KCNQ1: variants seen among roughly 807,000 people sequenced by gnomAD.
The protein encoded by KCNQ1 is potassium voltage-gated channel subfamily Q member 1, also known as potassium voltage-gated channel subfamily KQT member 1.
KCNQ1 carries 49 observed loss-of-function variants against 72.4 expected under a neutral mutation model. The observed-to-expected ratio is 0.68, with a 90% CI of 0.54 to 0.86. KCNQ1 has a LOEUF of 0.86. Ranked by LOEUF, KCNQ1 falls within the 40% of genes least tolerant of loss-of-function variation. The pLI, the probability that KCNQ1 is intolerant of heterozygous loss-of-function variation, is 0.00. For missense variants in KCNQ1, 790 were observed against 945.1 expected, an observed-to-expected ratio of 0.84 and a Z score of 2.15; for synonymous variants, 450 against 412.6, an observed-to-expected ratio of 1.09 and a Z score of -1.10.
intron 11 of KCNQ1, among the ~76,000 whole-genome samples, chr11:2,727,449 G>A (rs1053579292): frequency 6.6e-6 from 1 of 152,332 alleles, no homozygotes; most frequent in East Asian, 1.9e-4. Context: ...GGAACATGGG[G>A]TAGTGTCCCT....
In KCNQ1 at chr11:2,803,696, G is replaced by A. The variant is rs1590099955; in HGVS notation, c.1794+25659G>A. 6.6e-6 allele frequency among the ~76,000 whole-genome samples: 1 copy of A among 152,114 alleles called. No individual in the cohort carries two copies. The highest frequency in any genetic ancestry group is 2.1e-4 in the South Asian group (1 of 4,824). ...CCCCAAATGCCCAGGGCTGTGGCCT[G>A]CCCAGACTTGCCAGGGAGCTCCTGT... On this transcript the variant is annotated intron_variant, in intron 15 of 15. Coordinates refer to ENST00000155840, the MANE Select transcript of KCNQ1 (RefSeq NM_000218.3). The surrounding 1 kb of genome is among the most constrained non-coding windows in gnomAD (Gnocchi z 6.4).
chr11:2,516,293 A>G lies in KCNQ1; in HGVS notation c.387-11635A>G, dbSNP rs1847287997. Reference sequence around the variant, plus strand: ...GATGGGTCCACTTCTCAGGCTTCTCATGAAGTTTAGAGGCGACAGGAGGAG... The same window carrying G: ...GATGGGTCCACTTCTCAGGCTTCTCGTGAAGTTTAGAGGCGACAGGAGGAG... On this transcript the variant is annotated intron_variant, in intron 1 of 15. Coordinates refer to ENST00000155840, the MANE Select transcript of KCNQ1 (RefSeq NM_000218.3). This position sits in a 1 kb window ranked among gnomAD's most constrained non-coding sequence, Gnocchi z 7.0. 6.6e-6 allele frequency among the ~76,000 whole-genome samples: 1 copy of G among 151,972 alleles called. No homozygotes were observed. The highest frequency in any genetic ancestry group is 6.5e-5 in the Admixed American group (1 of 15,278).
intron 2 of KCNQ1, among the ~76,000 whole-genome samples, chr11:2,552,687 G>A (rs1363978562): frequency 1.3e-5 from 2 of 150,182 alleles, no homozygotes; most frequent in East Asian, 1.9e-4. Context: ...TCTGATCCAC[G>A]AACACGGTCT....
In KCNQ1 at chr11:2,526,446, G is replaced by A. The variant is rs1265440248; in HGVS notation, c.387-1482G>A. On this transcript the variant is annotated intron_variant, in intron 1 of 15. Coordinates refer to ENST00000155840, the MANE Select transcript of KCNQ1 (RefSeq NM_000218.3). The surrounding 1 kb of genome is among the most constrained non-coding windows in gnomAD (Gnocchi z 6.1). The stretch of plus-strand genomic sequence containing the variant: ...CGGGACTATGGCTGTGGGGAGGGAG[G>A]AACCCAGGGAGGGGGCCTGAGCAGG... 6.6e-6 allele frequency among the ~76,000 whole-genome samples: 1 copy of A among 152,122 alleles called. No homozygotes were observed. Among genetic ancestry groups the A allele is most frequent in the Non-Finnish European group, 1.5e-5 (1 of 68,016 alleles).
Position 2,715,464 on chromosome 11 carries a change from C to A in KCNQ1, c.1515-53380C>A, listed in dbSNP as rs1205140141. On this transcript the variant is annotated intron_variant, in intron 11 of 15. Coordinates refer to ENST00000155840, the MANE Select transcript of KCNQ1 (RefSeq NM_000218.3). The surrounding 1 kb of genome is among the most constrained non-coding windows in gnomAD (Gnocchi z 4.9). Reference sequence around the variant, plus strand: ...GAGGCCAGGGAGGACCCCCTGCAGCCTGGCTCAGGCAGGGGCATGTGTGAA... The same window carrying A: ...GAGGCCAGGGAGGACCCCCTGCAGCATGGCTCAGGCAGGGGCATGTGTGAA... Among the ~76,000 whole-genome samples the A allele has an allele frequency of 1.3e-5, 2 of 152,112 alleles. No homozygotes were observed. The highest frequency in any genetic ancestry group is 4.8e-5 in the African/African-American group (2 of 41,410).
rs1851186451 is a variant in KCNQ1 at position 2,720,624 on chromosome 11, G to A, written c.1515-48220G>A. On this transcript the variant is annotated intron_variant, in intron 11 of 15. Coordinates refer to ENST00000155840, the MANE Select transcript of KCNQ1 (RefSeq NM_000218.3). The surrounding 1 kb of genome is among the most constrained non-coding windows in gnomAD (Gnocchi z 5.1). ...GTCCTATGTTGGGGGTGTCAGCCTGGGTGTCAAGGCTGAAGAGGGGAGCCT... is the reference window on the plus strand; with the variant it reads ...GTCCTATGTTGGGGGTGTCAGCCTGAGTGTCAAGGCTGAAGAGGGGAGCCT... 6.6e-6 allele frequency among the ~76,000 whole-genome samples: 1 copy of A among 152,128 alleles called. No individual in the cohort carries two copies.
chr11:2,694,355 T>C (rs1347657330), intron 11 of KCNQ1: 1 of 398,644 alleles, frequency 2.5e-6, no homozygotes, highest in Non-Finnish European at 4.4e-6. Context: ...TATGGCAATG[T>C]CTGGAGATAT....
At chr11:2,718,035 GGT>G (rs756638698) in intron 11 of KCNQ1, among the ~76,000 whole-genome samples, 9 of 152,206 alleles carry the variant, frequency 5.9e-5, no homozygotes, top group East Asian at 3.9e-4. Flanking sequence ...TTTGTTGATG[GGT>G]GTAGTCTCAG....
chr11:2,699,966 C>T, intron 11 of KCNQ1: 1 of 398,362 alleles, frequency 2.5e-6, no homozygotes, highest in Non-Finnish European at 4.4e-6. Flanking sequence ...CCCTGGAGGT[C>T]CGTGCTGAGG....
At chr11:2,777,789 A>G (rs1204954015) in intron 14 of KCNQ1, 187 bp from the exon 15 acceptor site, 2 of 641,046 alleles carry the variant, frequency 3.1e-6, no homozygotes, top group Non-Finnish European at 5.6e-6. Flanking sequence ...AGCTGCAGCC[A>G]TGCCCGGCCA....
rs1848811045 is a variant in KCNQ1, at chr11:2,601,702, G to A, written c.1393+12848G>A. On this transcript the variant is annotated intron_variant, in intron 10 of 15. Transcript: ENST00000155840. The surrounding 1 kb of genome is among the most constrained non-coding windows in gnomAD (Gnocchi z 5.2). Reference sequence around the variant, plus strand: ...TCTTAGAAACGGGGTCTTTTGGCTCGGCATCATTCTCTGGATTCATTCCGG... The same window carrying A: ...TCTTAGAAACGGGGTCTTTTGGCTCAGCATCATTCTCTGGATTCATTCCGG... Among the ~76,000 whole-genome samples the A allele has an allele frequency of 1.3e-5, 2 of 152,010 alleles. No homozygotes were observed. Among genetic ancestry groups the A allele is most frequent in the Non-Finnish European group, 1.5e-5 (1 of 68,012 alleles).
chr11:2,514,006 A>C (rs1847249601), intron 1 of KCNQ1, among the ~76,000 whole-genome samples: 1 of 152,130 alleles, frequency 6.6e-6, no homozygotes, highest in Non-Finnish European at 1.5e-5. Flanking sequence ...CCCGGGCCCC[A>C]CAGTGACACT....
At chr11:2,499,070 C>T (rs1017474383) in intron 1 of KCNQ1, among the ~76,000 whole-genome samples, 11 of 152,200 alleles carry the variant, frequency 7.2e-5, no homozygotes, top group Admixed American at 4.6e-4. Flanking sequence ...TAATCAGTCC[C>T]AATGAGATGA....
rs2133791113 is a variant in KCNQ1, at chr11:2,611,183, T to C, written c.1393+22329T>C. ...ATGCTTCTCAGTATCTCTAATAACA[T>C]GGTTTGTTTTTAAAGTCTATTTTGT... On this transcript the variant is annotated intron_variant, in intron 10 of 15. Transcript: ENST00000155840. This position sits in a 1 kb window ranked among gnomAD's most constrained non-coding sequence, Gnocchi z 5.3. 1 of 398,522 alleles carries C rather than the reference T, an allele frequency of 2.5e-6. No homozygotes were observed. Among genetic ancestry groups the C allele is most frequent in the Non-Finnish European group, 4.4e-6 (1 of 226,036 alleles). The allele number at this position is 398,522 out of a possible 1,614,324, so 24.7% of individuals were successfully genotyped here.
chr11:2,542,724 TG>T (rs543751385), intron 2 of KCNQ1, among the ~76,000 whole-genome samples: 7 of 152,370 alleles, frequency 4.6e-5, no homozygotes, highest in Admixed American at 4.6e-4. Flanking sequence ...TGGTTTTTAT[TG>T]TCTGGTTCCA....
At chr11:2,607,139 G>A (rs557697333) in intron 10 of KCNQ1, among the ~76,000 whole-genome samples, 4 of 151,936 alleles carry the variant, frequency 2.6e-5, no homozygotes, top group East Asian at 1.9e-4. Flanking sequence ...TCCTGACCTC[G>A]TGATCCACCC....
intron 1 of KCNQ1, among the ~76,000 whole-genome samples, chr11:2,523,751 G>GTTTTTTTTTTTTTTTTTTTTTTTT (rs59766245): frequency 8.7e-6 from 1 of 115,150 alleles, no homozygotes; most frequent in South Asian, 2.7e-4. Flanking sequence ...GAAGTTTACA[G>GTTTTTTTTTTTTTTTTTTTTTTTT]TTTTTTTTTT....
chr11:2,659,646 A>G lies in KCNQ1; in HGVS notation c.1394-2315A>G. 1 of 398,544 alleles carries G rather than the reference A, an allele frequency of 2.5e-6. No individual in the cohort carries two copies. The highest frequency in any genetic ancestry group is 4.4e-6 in the Non-Finnish European group (1 of 226,012). 24.7% of individuals were successfully genotyped at this position (398,544 alleles called of 1,614,324 possible). On this transcript the variant is annotated intron_variant, in intron 10 of 15. Transcript: ENST00000155840. This position sits in a 1 kb window ranked among gnomAD's most constrained non-coding sequence, Gnocchi z 4.3. The stretch of plus-strand genomic sequence containing the variant: ...AACCGATAGGTCATGTGGTATGTGT[A>G]TGTTTAACTTAATAAGAAATTGCTA...
At position 2,509,122 on chromosome 11, in the gene KCNQ1, G is replaced by T. The variant is rs1169693485; in HGVS notation, c.387-18806G>T. On this transcript the variant is annotated intron_variant, in intron 1 of 15. Coordinates refer to ENST00000155840, the MANE Select transcript of KCNQ1 (RefSeq NM_000218.3). This position sits in a 1 kb window ranked among gnomAD's most constrained non-coding sequence, Gnocchi z 6.3. Reference sequence around the variant, plus strand: ...ATGCCCCATACTGGGGAATTTGGGGGTCCCTGGGGGAAGGACTCTGTTACC... The same window carrying T: ...ATGCCCCATACTGGGGAATTTGGGGTTCCCTGGGGGAAGGACTCTGTTACC... Among the ~76,000 whole-genome samples the T allele has an allele frequency of 6.6e-6, 1 of 152,242 alleles. No individual in the cohort carries two copies. The highest frequency in any genetic ancestry group is 1.5e-5 in the Non-Finnish European group (1 of 68,040).
Sources: allele counts gnomAD v4.1 joint callset (sites outside exome capture counted in the v4.1 genomes callset), GRCh38; gene constraint gnomAD v4.1.1; non-coding constraint Gnocchi (gnomAD v3.1); transcripts MANE v1.5; gene names NCBI Gene and HGNC (gene_info 2026-07-23, HGNC 2026-07-21).